MIGA2: variants seen among roughly 807,000 people sequenced by gnomAD.
MIGA2 encodes the protein mitoguardin 2, also known as family with sequence similarity 73, member B.
In MIGA2, 36 loss-of-function variants were observed where a neutral mutation model predicts 69.9. The ratio of observed to expected loss-of-function variants is 0.52; its 90% confidence interval spans 0.39 to 0.68. The LOEUF (loss-of-function observed/expected upper bound fraction) is 0.68. Among genes scored for constraint, MIGA2 ranks in the 30% least tolerant of loss-of-function variants. MIGA2 has a pLI of 0.00. For missense variants in MIGA2, 660 were observed against 787.7 expected (o/e 0.84, Z 1.94); for synonymous variants, 333 against 349.2 (o/e 0.95, Z 0.52).
intron 1 of MIGA2, chr9:129,039,953 C>T (rs1844809813): frequency 6.6e-6 from 1 of 152,266 alleles, no homozygotes; most frequent in Admixed American, 6.6e-5. Flanking sequence ...CCATATTGGC[C>T]AGGCTGGTCT....
intron 5 of MIGA2, 34 bp downstream of exon 5, chr9:129,049,532 G>C (rs1588382919): frequency 6.3e-7 from 1 of 1,599,998 alleles, no homozygotes; most frequent in Middle Eastern, 1.7e-4. Context: ...TTCGAGGGCA[G>C]GGTGGGTGGC....
At chr9:129,042,666 T>A in intron 3 of MIGA2, 152 bp downstream of exon 3, 6 of 773,216 alleles carry the variant, frequency 7.8e-6, no homozygotes, top group Non-Finnish European at 1.3e-5. Flanking sequence ...GACAGTAGCG[T>A]CCCTCCCTCC....
chr9:129,063,542 T>C lies in MIGA2; in HGVS notation c.1084-3T>C. 2 of 1,610,668 alleles carry C rather than the reference T, an allele frequency of 1.2e-6. No homozygotes were observed. Among genetic ancestry groups the C allele is most frequent in the African/African-American group, 1.4e-5 (1 of 73,630 alleles). ...TCACTCCCCTCCCTTCCTCCTTCCCTAGGGGCTTCTGGAAGACAAGAGTAA... is the reference window on the plus strand; with the variant it reads ...TCACTCCCCTCCCTTCCTCCTTCCCCAGGGGCTTCTGGAAGACAAGAGTAA... On this transcript the variant is annotated splice_region_variant and splice_polypyrimidine_tract_variant and intron_variant, in intron 10 of 15. Coordinates refer to ENST00000684074, the MANE Select transcript of MIGA2 (RefSeq NM_001329990.2).
chr9:129,049,374 C>T lies in MIGA2; in HGVS notation c.421-7C>T, dbSNP rs372960868. On this transcript the variant is annotated splice_region_variant and splice_polypyrimidine_tract_variant and intron_variant, in intron 4 of 15. Transcript: ENST00000684074. ...CACTCTTTCTTCTTGCACTGATTGG[C>T]GCCCAGATGATGGCAGTGAACTCAT... is the stretch of plus-strand genomic sequence containing the variant. 3.7e-6 allele frequency: 6 copies of T among 1,612,240 alleles called. No individual in the cohort carries two copies. Among genetic ancestry groups the T allele is most frequent in the African/African-American group, 2.7e-5 (2 of 74,902 alleles).
Position 129,068,369 on chromosome 9 carries a change from C to T in MIGA2, c.1404+37C>T. ...CCCTGCTCTCAGACCCACACTTGCT[C>T]ACATCAGCCCGTGTGGTTGCCTGGC... is the stretch of plus-strand genomic sequence containing the variant. On this transcript the variant is annotated intron_variant, in intron 13 of 15. Transcript: ENST00000684074. The surrounding 1 kb of genome is among the most constrained non-coding windows in gnomAD (Gnocchi z 4.1). The T allele has an allele frequency of 6.3e-7, 1 of 1,597,580 alleles. No individual in the cohort carries two copies. Among genetic ancestry groups the T allele is most frequent in the Non-Finnish European group, 8.5e-7 (1 of 1,178,686 alleles).
Position 129,068,970 on chromosome 9 carries a change from A to G in MIGA2, c.1405-106A>G. On this transcript the variant is annotated intron_variant, in intron 13 of 15. Coordinates refer to ENST00000684074, the MANE Select transcript of MIGA2 (RefSeq NM_001329990.2). The surrounding 1 kb of genome is among the most constrained non-coding windows in gnomAD (Gnocchi z 4.1). ...CACCTGGCCCCATCTTCCTGCTTGG[A>G]GTGGGGTGAGCTGGGTTTAAGGGCT... The G allele has an allele frequency of 7.8e-7, 1 of 1,285,512 alleles. No homozygotes were observed. The highest frequency in any genetic ancestry group is 1.1e-6 in the Non-Finnish European group (1 of 885,466). 79.6% of individuals were successfully genotyped at this position (1,285,512 alleles called of 1,614,324 possible).
chr9:129,052,800 G>A (rs888580330), intron 6 of MIGA2, among the ~76,000 whole-genome samples: 1 of 152,142 alleles, frequency 6.6e-6, no homozygotes, highest in Non-Finnish European at 1.5e-5. Flanking sequence ...CTGCTGGGGC[G>A]TGAGCTCAGG....
At chr9:129,044,263 A>G (rs1845087229) in intron 3 of MIGA2, among the ~76,000 whole-genome samples, 1 of 150,150 alleles carries the variant, frequency 6.7e-6, no homozygotes. Context: ...AAGTGCTGGG[A>G]GCCAGGCATG....
Position 129,042,388 on chromosome 9 carries a change from G to A in MIGA2, c.181G>A (p.Ala61Thr). The change falls in exon 3 of 16, where the codon GCT becomes ACT. Residue 61 changes from alanine (A) to threonine (T), a missense_variant. This residue lies in a region of MIGA2 where 54 missense variants were observed against 84.0 expected (regional missense o/e 0.64). Transcript: ENST00000684074. ...TALGTVALAL[A>T]AHQLKRRRRR... ...CCTGGGGACTGTGGCCCTGGCCCTG[G>A]CTGCCCACCAGCTGAAGAGGCGACG... 6.2e-7 allele frequency: 1 copy of A among 1,613,766 alleles called. No homozygotes were observed. Among genetic ancestry groups the A allele is most frequent in the Non-Finnish European group, 8.5e-7 (1 of 1,180,046 alleles).
chr9:129,068,170 A>G lies in MIGA2; in HGVS notation c.1270-28A>G, dbSNP rs543146964. ...CGAGGCTCCGGCAGTGCCCCCATGC[A>G]TGAGCCTCCCGGGGGCACCCTCTGT... On this transcript the variant is annotated intron_variant, in intron 12 of 15. Transcript: ENST00000684074. This position sits in a 1 kb window ranked among gnomAD's most constrained non-coding sequence, Gnocchi z 4.1. 235 of 1,613,368 alleles carry G rather than the reference A, an allele frequency of 1.5e-4. No individual in the cohort carries two copies. The highest frequency in any genetic ancestry group is 2.0e-4 in the Non-Finnish European group (231 of 1,180,004).
rs907530122 is a variant in MIGA2 at position 129,071,878 on chromosome 9, A to C, written c.*1425A>C. 1 of 152,638 alleles carries C rather than the reference A, an allele frequency of 6.6e-6. No homozygotes were observed. The highest frequency in any genetic ancestry group is 1.5e-5 in the Non-Finnish European group (1 of 68,026). 9.5% of individuals were successfully genotyped at this position (152,638 alleles called of 1,614,324 possible). ...CCTGTGCTCCCCGCCCCCCATCCTG[A>C]CATCCTGTTCTTTTGCACTTACCCT... On this transcript the variant is annotated 3_prime_UTR_variant, in exon 16 of 16. Transcript: ENST00000684074.
chr9:129,068,143 C>T lies in MIGA2; in HGVS notation c.1270-55C>T. Reference sequence around the variant, plus strand: ...TCAGTCTCCCCATCTGGAAAGTGGCCCCGAGGCTCCGGCAGTGCCCCCATG... The same window carrying T: ...TCAGTCTCCCCATCTGGAAAGTGGCTCCGAGGCTCCGGCAGTGCCCCCATG... On this transcript the variant is annotated intron_variant, in intron 12 of 15. Coordinates refer to ENST00000684074, the MANE Select transcript of MIGA2 (RefSeq NM_001329990.2). This position sits in a 1 kb window ranked among gnomAD's most constrained non-coding sequence, Gnocchi z 4.1. 4 of 1,612,588 alleles carry T rather than the reference C, an allele frequency of 2.5e-6. No homozygotes were observed. Among genetic ancestry groups the T allele is most frequent in the Non-Finnish European group, 3.4e-6 (4 of 1,179,496 alleles).
rs749124032 is a variant in MIGA2 at position 129,070,421 on chromosome 9, C to G, written c.1750C>G (p.Arg584Gly). ...SSAGVNGALP[R>G]ENGPLGELQ is the part of the protein sequence containing the mutation. ...CGCAGGCGTGAATGGGGCGCTGCCC[C>G]GAGAGAATGGGCCCCTGGGGGAGCT... The change falls in exon 16 of 16, where the codon CGA (arginine) becomes GGA (glycine). Residue 584 changes from arginine to glycine, a missense_variant. Physicochemically the swap from Arg to Gly is moderately radical, Grantham distance 125. Transcript: ENST00000684074. The G allele has an allele frequency of 5.0e-6, 8 of 1,600,844 alleles. No individual in the cohort carries two copies. The highest frequency in any genetic ancestry group is 2.7e-5 in the African/African-American group (2 of 74,734).
At chr9:129,047,301 ACTC>A (rs1427728707) in intron 3 of MIGA2, 1 of 150,906 alleles carries the variant, frequency 6.6e-6, no homozygotes, top group Non-Finnish European at 1.5e-5. Context: ...CTTCTCTCGA[ACTC>A]CTAATCTCAT....
At chr9:129,062,457 G>A (rs1398691574) in intron 9 of MIGA2, among the ~76,000 whole-genome samples, 3 of 150,932 alleles carry the variant, frequency 2.0e-5, no homozygotes, top group Non-Finnish European at 4.4e-5. Context: ...ACTTGAACCC[G>A]GGAGGCAGAG....
At chr9:129,046,044 A>G (rs778923557) in intron 3 of MIGA2, among the ~76,000 whole-genome samples, 1 of 151,890 alleles carries the variant, frequency 6.6e-6, no homozygotes, top group East Asian at 1.9e-4. Flanking sequence ...TAGTAGAGAC[A>G]GGGTTTCACC....
In MIGA2 at chr9:129,049,915, C is replaced by T. The variant is rs768038033; in HGVS notation, c.627C>T (p.Pro209=). 1.9e-6 allele frequency: 3 copies of T among 1,613,762 alleles called. No homozygotes were observed. In the South Asian group the frequency reaches 3.3e-5, roughly 18 times the overall value. ...GGGACAGCGGCAGCACCCCCATGCC[C>T]AGGGACGGCCTCCGGAACCCAGAGA... ...QRGDSGSTPM[P]RDGLRNPETA... The change falls in exon 6 of 16, where the codon CCC becomes CCT. Residue 209 remains proline, a synonymous_variant. Transcript: ENST00000684074.
intron 3 of MIGA2, among the ~76,000 whole-genome samples, chr9:129,048,001 G>A (rs1043211137): frequency 6.6e-6 from 1 of 152,160 alleles, no homozygotes; most frequent in African/African-American, 2.4e-5. Context: ...AAAGTGCTGG[G>A]ATTATAGGTG....
At chr9:129,056,738 C>T (rs1030317846) in intron 6 of MIGA2, among the ~76,000 whole-genome samples, 2 of 151,040 alleles carry the variant, frequency 1.3e-5, no homozygotes, top group Admixed American at 6.6e-5. Context: ...AGGCTGGTCT[C>T]GAACTCCTGA....
Sources: allele counts gnomAD v4.1 joint callset (sites outside exome capture counted in the v4.1 genomes callset), GRCh38; gene constraint gnomAD v4.1.1; regional missense constraint gnomAD v4.1.1; non-coding constraint Gnocchi (gnomAD v3.1); transcripts MANE v1.5; gene names NCBI Gene and HGNC (gene_info 2026-07-23, HGNC 2026-07-21).